ZFP14: variants seen among roughly 807,000 people sequenced by gnomAD.
ZFP14 encodes ZFP14 zinc finger protein.
ZFP14 carries 22 observed loss-of-function variants against 54.5 expected under a neutral mutation model. The ratio of observed to expected loss-of-function variants is 0.40; its 90% CI spans 0.29 to 0.58. ZFP14 has a LOEUF of 0.58. Among genes scored for constraint, ZFP14 ranks in the 20% least tolerant of loss-of-function variants. The probability of loss-of-function intolerance (pLI) is 0.39; values close to 1 mark genes in which losing one functional copy is unlikely to be tolerated. For synonymous variants in ZFP14, 159 were observed against 204.0 expected, an observed-to-expected ratio of 0.78 and a Z score of 1.88; for missense variants, 470 against 637.8, an observed-to-expected ratio of 0.74 and a Z score of 2.83.
chr19:36,379,123 A>ACCCCCGCGCCC (rs1224401059), intron 1 of ZFP14, 40 bp downstream of exon 1: 29 of 151,952 alleles, frequency 1.9e-4, no homozygotes, highest in Admixed American at 1.6e-3. Context: ...CCCCCGCGCC[A>ACCCCCGCGCCC]CCCCCGCGCC....
intron 4 of ZFP14, among the ~76,000 whole-genome samples, chr19:36,356,053 C>T (rs1295307813): frequency 7.0e-6 from 1 of 142,494 alleles, no homozygotes; most frequent in Non-Finnish European, 1.6e-5. Flanking sequence ...GGAAGTTGCA[C>T]AAAATGTACA....
At chr19:36,343,051 G>A (rs953995849) in intron 4 of ZFP14, among the ~76,000 whole-genome samples, 2 of 152,184 alleles carry the variant, frequency 1.3e-5, no homozygotes, top group Non-Finnish European at 2.9e-5. Flanking sequence ...CTGGTGATTA[G>A]GAAAGCAAGT....
intron 4 of ZFP14, among the ~76,000 whole-genome samples, chr19:36,359,382 C>T (rs2031672635): frequency 6.6e-6 from 1 of 151,952 alleles, no homozygotes; most frequent in Non-Finnish European, 1.5e-5. Flanking sequence ...AAATGCATTC[C>T]TTTTCTGAAG....
chr19:36,367,342 G>A (rs1019456113), intron 2 of ZFP14, among the ~76,000 whole-genome samples: 3 of 152,088 alleles, frequency 2.0e-5, no homozygotes, highest in African/African-American at 7.2e-5. Flanking sequence ...TTTTCTCAAG[G>A]CATCTCATTT....
rs1360859995 is a variant in ZFP14 at position 36,336,895 on chromosome 19, A to C, written c.*3329T>G. On this transcript the variant is annotated 3_prime_UTR_variant, in exon 5 of 5. Coordinates refer to ENST00000270001, the MANE Select transcript of ZFP14 (RefSeq NM_020917.3). ...ATTAGAACAATAAGTCTCCATGAAC[A>C]AAACACTCCACTTAAATTATCAACA... The C allele has an allele frequency of 1.3e-5, 2 of 152,234 alleles. No individual in the cohort carries two copies. Among genetic ancestry groups the C allele is most frequent in the African/African-American group, 4.8e-5 (2 of 41,454 alleles). 9.4% of individuals were successfully genotyped at this position (152,234 alleles called of 1,614,324 possible). A position where few individuals can be genotyped will look rare whatever the true frequency, so the allele number is the denominator to read the frequency against.
intron 4 of ZFP14, among the ~76,000 whole-genome samples, chr19:36,343,585 G>T (rs898957006): frequency 6.6e-6 from 1 of 152,130 alleles, no homozygotes. Context: ...ATTTTCTGTT[G>T]CTTATAATGA....
chr19:36,341,034 G>A lies in ZFP14; in HGVS notation c.792C>T (p.Ala264=), dbSNP rs1317241141. The A allele has an allele frequency of 1.9e-6, 3 of 1,613,486 alleles. No individual in the cohort carries two copies. The highest frequency in any genetic ancestry group is 3.3e-5 in the Admixed American group (2 of 59,930). Residue 264 remains alanine (A), a synonymous_variant, in exon 5 of 5, where the codon GCC becomes GCT. Coordinates refer to ENST00000270001, the MANE Select transcript of ZFP14 (RefSeq NM_020917.3). This position sits in a 1 kb window ranked among gnomAD's most constrained non-coding sequence, Gnocchi z 4.2. ...KPYECKECGK[A]FRVHQQLARH... ...GAGCCAGTTGCTGATGTACTCTAAA[G>A]GCCTTTCCACATTCCTTACATTCAT...
chr19:36,364,685 C>T (rs902365740), intron 2 of ZFP14, among the ~76,000 whole-genome samples: 6 of 152,078 alleles, frequency 3.9e-5, no homozygotes, highest in Non-Finnish European at 5.9e-5. Context: ...AGTATAGGGT[C>T]TCAACATACA....
At position 36,340,297 on chromosome 19, in the gene ZFP14, C is replaced by A. The variant is rs1330582438; in HGVS notation, c.1529G>T (p.Cys510Phe). 6.2e-7 allele frequency: 1 copy of A among 1,614,044 alleles called. No homozygotes were observed. Among genetic ancestry groups the A allele is most frequent in the Admixed American group, 1.7e-5 (1 of 60,018 alleles). The change falls in exon 5 of 5, where the codon TGT (cysteine) becomes TTT (phenylalanine). Residue 510 changes from cysteine (C) to phenylalanine (F), a missense_variant. Cys to Phe is a radical substitution (Grantham distance 205). Coordinates refer to ENST00000270001, the MANE Select transcript of ZFP14 (RefSeq NM_020917.3). This position sits in a 1 kb window ranked among gnomAD's most constrained non-coding sequence, Gnocchi z 5.4. ...RIHTGEKPYKCKECKKAFRQH... is the reference protein window; with the variant it reads ...RIHTGEKPYKFKECKKAFRQH... ...TCTAAAGGCCTTCTTACACTCCTTA[C>A]ACTTGTAGGGCTTCTCACCAGTATG...
At chr19:36,342,175 C>CTTTTTTTT (rs35293783) in intron 4 of ZFP14, among the ~76,000 whole-genome samples, 1 of 74,608 alleles carries the variant, frequency 1.3e-5, no homozygotes, top group Non-Finnish European at 2.4e-5. Context: ...CATTCTATGC[C>CTTTTTTTT]TTTTTTTTTT....
chr19:36,351,955 G>A lies in ZFP14; in HGVS notation c.235+8480C>T, dbSNP rs371684739. On this transcript the variant is annotated intron_variant, in intron 4 of 4. Coordinates refer to ENST00000270001, the MANE Select transcript of ZFP14 (RefSeq NM_020917.3). ...TCCCAGCACTTTGGGAGGCCGAGGC[G>A]GGTGGATCACAAGGTCAGGATATCG... 9.8e-5 allele frequency among the ~76,000 whole-genome samples: 14 copies of A among 143,332 alleles called. 2 individuals are homozygous for A. The highest frequency in any genetic ancestry group is 4.3e-4 in the Admixed American group (6 of 14,000). 94.0% of individuals were successfully genotyped at this position (143,332 alleles called of 152,430 possible). A position where few individuals can be genotyped will look rare whatever the true frequency, so the allele number is the denominator to read the frequency against.
chr19:36,367,224 G>A lies in ZFP14; in HGVS notation c.9+660C>T, dbSNP rs562371784. 3.3e-5 allele frequency among the ~76,000 whole-genome samples: 5 copies of A among 152,072 alleles called. No homozygotes were observed. In the South Asian group the frequency reaches 1.0e-3, roughly 32 times the overall value. ...TTTCTATGTAAAACTAAGACAAAAA[G>A]CACTGTACTGAGAAAAATATACTTT... On this transcript the variant is annotated intron_variant, in intron 2 of 4. Coordinates refer to ENST00000270001, the MANE Select transcript of ZFP14 (RefSeq NM_020917.3).
Position 36,355,518 on chromosome 19 carries a change from AT to A in ZFP14, c.235+4916del, listed in dbSNP as rs1373115512. On this transcript the variant is annotated intron_variant, in intron 4 of 4. Transcript: ENST00000270001. ...TACAGGGAGATCTCTGTCTCTATAA[AT>A]TTTTTTTTTTTTAAATAGCTAAGTG... is the stretch of plus-strand genomic sequence containing the variant. 3.7e-3 allele frequency among the ~76,000 whole-genome samples: 494 copies of A among 133,540 alleles called. 46 individuals are homozygous for A. Among genetic ancestry groups the A allele is most frequent in the Admixed American group, 8.3e-3 (107 of 12,860 alleles). 87.6% of individuals were successfully genotyped at this position (133,540 alleles called of 152,430 possible).
intron 1 of ZFP14, among the ~76,000 whole-genome samples, chr19:36,369,692 T>A (rs1013018619): frequency 2.2e-4 from 34 of 152,118 alleles, no homozygotes; most frequent in Non-Finnish European, 4.1e-4. Flanking sequence ...ATTACAGGCG[T>A]GAGCCACCAC....
chr19:36,340,558 G>C lies in ZFP14; in HGVS notation c.1268C>G (p.Pro423Arg). 2 of 1,614,022 alleles carry C rather than the reference G, an allele frequency of 1.2e-6. No homozygotes were observed. Among genetic ancestry groups the C allele is most frequent in the Non-Finnish European group, 1.7e-6 (2 of 1,179,988 alleles). ...CTTTCCACACTCTTCACATTCATAGGGTCTCTCACCAATATGAATGCTCTG... is the reference window on the plus strand; with the variant it reads ...CTTTCCACACTCTTCACATTCATAGCGTCTCTCACCAATATGAATGCTCTG... ...SHQSIHIGER[P>R]YECEECGKAF... The change falls in exon 5 of 5, where the codon CCC (proline) becomes CGC (arginine). Residue 423 changes from proline (P) to arginine (R), a missense_variant. Coordinates refer to ENST00000270001, the MANE Select transcript of ZFP14 (RefSeq NM_020917.3). This position sits in a 1 kb window ranked among gnomAD's most constrained non-coding sequence, Gnocchi z 5.4.
In ZFP14 at chr19:36,341,547, C is replaced by A. The variant is rs764382140; in HGVS notation, c.279G>T (p.Lys93Asn). 6.3e-6 allele frequency: 10 copies of A among 1,599,196 alleles called. No individual in the cohort carries two copies. Among genetic ancestry groups the A allele is most frequent in the African/African-American group, 1.4e-5 (1 of 73,882 alleles). Reference sequence around the variant, plus strand: ...GAAATGAATATATTTCATAAATGTCCTTTTCTGGAGATAAAGTATTGGTCC... The same window carrying A: ...GAAATGAATATATTTCATAAATGTCATTTTCTGGAGATAAAGTATTGGTCC... ...RYRTNTLSPEKDIYEIYSFQW... is the reference protein window; with the variant it reads ...RYRTNTLSPENDIYEIYSFQW... Residue 93 changes from lysine to asparagine, a missense_variant, in exon 5 of 5, where the codon AAG (lysine) becomes AAT (asparagine). Coordinates refer to ENST00000270001, the MANE Select transcript of ZFP14 (RefSeq NM_020917.3). This position sits in a 1 kb window ranked among gnomAD's most constrained non-coding sequence, Gnocchi z 4.2.
intron 1 of ZFP14, among the ~76,000 whole-genome samples, chr19:36,374,293 C>T (rs1387914220): frequency 2.0e-5 from 3 of 152,060 alleles, no homozygotes; most frequent in Non-Finnish European, 2.9e-5. Context: ...GAGTTCAAGA[C>T]CAGCCTGGCC....
chr19:36,375,646 C>T (rs937095993), intron 1 of ZFP14, among the ~76,000 whole-genome samples: 4 of 151,438 alleles, frequency 2.6e-5, no homozygotes, highest in East Asian at 1.9e-4. Context: ...CAAGCTCCGC[C>T]TCCCGGGTTC....
At chr19:36,349,257 C>A (rs10410976) in intron 4 of ZFP14, among the ~76,000 whole-genome samples, 19,250 of 40,236 alleles carry the variant, frequency 0.48, 3,737 homozygotes, top group Admixed American at 0.49. Context: ...AAAAAAAAAA[C>A]AAAAAAAAAA....
Sources: allele counts gnomAD v4.1 joint callset (sites outside exome capture counted in the v4.1 genomes callset), GRCh38; gene constraint gnomAD v4.1.1; non-coding constraint Gnocchi (gnomAD v3.1); transcripts MANE v1.5; gene names NCBI Gene and HGNC (gene_info 2026-07-23, HGNC 2026-07-21).